CNTN4: variants seen among roughly 807,000 people sequenced by gnomAD.
CNTN4 encodes the protein contactin-4.
Under a neutral mutation model 122.5 loss-of-function variants are expected in CNTN4, and 77 were observed. That is an observed-to-expected ratio of 0.63 (90% CI 0.52 to 0.76). The LOEUF is 0.76. Ranked by LOEUF, CNTN4 falls within the 30% of genes least tolerant of loss-of-function variation. The pLI, the probability that CNTN4 is intolerant of heterozygous loss-of-function variation, is 0.00. For missense variants in CNTN4, 1,256 were observed against 1,259.1 expected (o/e 1.00, Z 0.04); for synonymous variants, 512 against 447.0 (o/e 1.15, Z -1.83).
chr3:2,276,591 A>G (rs1030735300), intron 2 of CNTN4, among the ~76,000 whole-genome samples: 8 of 152,198 alleles, frequency 5.3e-5, no homozygotes, highest in African/African-American at 1.9e-4. Context: ...GTGCATTGCA[A>G]GTAGTTCTCA....
intron 7 of CNTN4, among the ~76,000 whole-genome samples, chr3:2,863,447 T>C (rs1009294600): frequency 2.3e-4 from 33 of 142,998 alleles, no homozygotes; most frequent in Admixed American, 2.2e-3. Context: ...GTTTCTTCTT[T>C]TTTTTTTTTT....
At chr3:2,867,546 G>C (rs189805138) in intron 8 of CNTN4, among the ~76,000 whole-genome samples, 1 of 152,272 alleles carries the variant, frequency 6.6e-6, no homozygotes, top group Non-Finnish European at 1.5e-5. Context: ...GTGTATGCCA[G>C]ACTCTAGGAG....
chr3:2,234,963 G>A (rs1247013455), intron 2 of CNTN4, among the ~76,000 whole-genome samples: 1 of 151,934 alleles, frequency 6.6e-6, no homozygotes, highest in Non-Finnish European at 1.5e-5. Context: ...GAACAGTATT[G>A]CCCTGAGTTT....
intron 2 of CNTN4, among the ~76,000 whole-genome samples, chr3:2,321,500 A>G (rs1470828976): frequency 1.3e-5 from 2 of 152,136 alleles, no homozygotes; most frequent in East Asian, 3.8e-4. Flanking sequence ...AGAGATTTTT[A>G]TTAAGAGGTT....
intron 2 of CNTN4, among the ~76,000 whole-genome samples, chr3:2,238,373 G>A (rs1050981823): frequency 1.3e-5 from 2 of 151,528 alleles, no homozygotes; most frequent in Non-Finnish European, 2.9e-5. Context: ...TAAAATAGTA[G>A]GTTAATTTTA....
chr3:3,050,050 C>T (rs1404576146), intron 23 of CNTN4, among the ~76,000 whole-genome samples: 2 of 152,192 alleles, frequency 1.3e-5, no homozygotes, highest in Admixed American at 6.5e-5. Flanking sequence ...AGAGCTGACT[C>T]GCCCTTTTAC....
At chr3:2,648,749 A>G (rs1022120312) in intron 4 of CNTN4, among the ~76,000 whole-genome samples, 5 of 152,218 alleles carry the variant, frequency 3.3e-5, no homozygotes, top group Non-Finnish European at 7.3e-5. Context: ...ATAAAAAACT[A>G]GAAGGAATTG....
chr3:2,800,589 T>C (rs2092324367), intron 6 of CNTN4, among the ~76,000 whole-genome samples: 1 of 152,220 alleles, frequency 6.6e-6, no homozygotes, highest in Non-Finnish European at 1.5e-5. Context: ...GCAATCATTC[T>C]GGTTGAAGAG....
At chr3:2,401,650 G>A (rs1404825209) in intron 3 of CNTN4, among the ~76,000 whole-genome samples, 1 of 152,078 alleles carries the variant, frequency 6.6e-6, no homozygotes, top group Non-Finnish European at 1.5e-5. Flanking sequence ...CAAGAAAGAA[G>A]GAAGAATTAT....
intron 3 of CNTN4, among the ~76,000 whole-genome samples, chr3:2,421,314 G>A (rs958740289): frequency 1.3e-5 from 2 of 150,064 alleles, no homozygotes; most frequent in Admixed American, 6.7e-5. Context: ...GTGCAGTGGC[G>A]TGATCTCAGC....
intron 4 of CNTN4, among the ~76,000 whole-genome samples, chr3:2,657,141 G>A (rs916988913): frequency 2.0e-5 from 3 of 152,122 alleles, no homozygotes; most frequent in Admixed American, 6.5e-5. Context: ...GTACTTGACC[G>A]GACAAGCATA....
At chr3:2,777,790 A>C (rs2091386732) in intron 6 of CNTN4, among the ~76,000 whole-genome samples, 1 of 152,220 alleles carries the variant, frequency 6.6e-6, no homozygotes, top group Non-Finnish European at 1.5e-5. Context: ...TGCATAACCA[A>C]ATAATTGTAT....
At chr3:2,794,445 G>T (rs973996468) in intron 6 of CNTN4, among the ~76,000 whole-genome samples, 1 of 152,154 alleles carries the variant, frequency 6.6e-6, no homozygotes, top group African/African-American at 2.4e-5. Flanking sequence ...CCAGTCTCTT[G>T]ATAATAAATC....
chr3:2,385,537 C>T lies in CNTN4; in HGVS notation c.-89+46304C>T, dbSNP rs140516383. 2.5e-3 allele frequency among the ~76,000 whole-genome samples: 379 copies of T among 152,160 alleles called. 5 individuals are homozygous for T. The highest frequency in any genetic ancestry group is 8.7e-3 in the African/African-American group (361 of 41,558). The stretch of plus-strand genomic sequence containing the variant: ...GTTTATTCTCTCACACTTCTAGAGG[C>T]CAGAAGTCCAAAATCAGGTGTTGGT... On this transcript the variant is annotated intron_variant, in intron 3 of 24. Coordinates refer to ENST00000418658, the MANE Select transcript of CNTN4 (RefSeq NM_175607.3). The surrounding 1 kb of genome is among the most constrained non-coding windows in gnomAD (Gnocchi z 4.0).
intron 14 of CNTN4, among the ~76,000 whole-genome samples, chr3:3,019,647 C>T (rs1034753209): frequency 1.3e-5 from 2 of 151,176 alleles, no homozygotes; most frequent in African/African-American, 4.9e-5. Context: ...ATGGAGAAGC[C>T]AGGCAAACAC....
At chr3:2,862,132 T>G (rs573787055) in intron 7 of CNTN4, among the ~76,000 whole-genome samples, 1 of 152,328 alleles carries the variant, frequency 6.6e-6, no homozygotes, top group South Asian at 2.1e-4. Context: ...GGTTTAAAAC[T>G]TTGAGGTTAA....
At chr3:2,612,258 A>T (rs1391788366) in intron 4 of CNTN4, among the ~76,000 whole-genome samples, 1 of 152,142 alleles carries the variant, frequency 6.6e-6, no homozygotes, top group African/African-American at 2.4e-5. Flanking sequence ...CAAATGTCGC[A>T]GCTTAGCCCA....
intron 3 of CNTN4, among the ~76,000 whole-genome samples, chr3:2,389,298 AACC>A (rs2046361193): frequency 2.3e-5 from 2 of 85,550 alleles, no homozygotes; most frequent in Non-Finnish European, 5.2e-5. Flanking sequence ...TTCTCGGAGA[AACC>A]TTCCCCGTGA....
At chr3:3,035,004 A>G (rs1325809229) in intron 17 of CNTN4, among the ~76,000 whole-genome samples, 3 of 152,134 alleles carry the variant, frequency 2.0e-5, no homozygotes, top group Non-Finnish European at 4.4e-5. Flanking sequence ...AAGCAATAGT[A>G]TCTGTGAAAT....
Sources: allele counts gnomAD v4.1 joint callset (sites outside exome capture counted in the v4.1 genomes callset), GRCh38; gene constraint gnomAD v4.1.1; non-coding constraint Gnocchi (gnomAD v3.1); transcripts MANE v1.5; gene names NCBI Gene and HGNC (gene_info 2026-07-23, HGNC 2026-07-21).